Variants in FHAD1 observed in about 807,000 individuals in gnomAD.
The protein encoded by FHAD1 is forkhead-associated domain-containing protein 1.
FHAD1 carries 146 observed loss-of-function variants against 191.3 expected under a neutral mutation model. That is an observed-to-expected ratio of 0.76 (90% CI 0.67 to 0.88). The LOEUF (loss-of-function observed/expected upper bound fraction) is 0.88, where lower values mean the gene tolerates loss of function less well. Ranked by LOEUF, FHAD1 falls within the 40% of genes least tolerant of loss-of-function variation. The pLI is 0.00. For missense variants in FHAD1, 1,635 were observed against 1,785.8 expected (o/e 0.92, Z 1.52); for synonymous variants, 616 against 672.3 (o/e 0.92, Z 1.29).
At chr1:15,292,218 AC>A (rs1178739667) in intron 4 of FHAD1, among the ~76,000 whole-genome samples, 1 of 147,694 alleles carries the variant, frequency 6.8e-6, no homozygotes, top group African/African-American at 2.5e-5. Flanking sequence ...CATGATCTCG[AC>A]TCATTAAAAC....
At chr1:15,374,853 T>TGG (rs112001632) in intron 27 of FHAD1, among the ~76,000 whole-genome samples, 5,277 of 116,158 alleles carry the variant, frequency 0.045, 403 homozygotes, top group African/African-American at 0.2. Flanking sequence ...TGTACGTTTT[T>TGG]TTTTTTGTTT....
chr1:15,273,094 G>T (rs956967969), intron 3 of FHAD1, among the ~76,000 whole-genome samples: 1 of 152,198 alleles, frequency 6.6e-6, no homozygotes, highest in Non-Finnish European at 1.5e-5. Context: ...GGACTGTTCA[G>T]TAAAATTACA....
rs770643908 is a variant in FHAD1, at chr1:15,374,566, G to A, written c.3512G>A (p.Arg1171His). Residue 1171 changes from arginine (R) to histidine (H), a missense_variant, in exon 27 of 34, where the codon CGT becomes CAT. Arg to His is a conservative substitution (Grantham distance 29). Coordinates refer to ENST00000688493, the MANE Select transcript of FHAD1 (RefSeq NM_001391957.1). ...TCCCGGCACGAGGAGGTCATTCAGC[G>A]TCAGAAAAAGGCCTTATCTGAACTT... Reference protein sequence around the residue: ...KGSRHEEVIQRQKKALSELRA... With the variant: ...KGSRHEEVIQHQKKALSELRA... The A allele has an allele frequency of 5.7e-5, 88 of 1,551,714 alleles. No individual in the cohort carries two copies. The highest frequency in any genetic ancestry group is 3.3e-4 in the Middle Eastern group (2 of 5,990).
At position 15,308,737 on chromosome 1, in the gene FHAD1, G is replaced by A. The variant is rs566528481; in HGVS notation, c.1039+1G>A. ...AAGAGAGACAACGCTATCACATCAG[G>A]TGAGCCCTTGGAGTCGGGCCTGGGA... On this transcript the variant is annotated splice_donor_variant, in intron 7 of 33. Coordinates refer to ENST00000688493, the MANE Select transcript of FHAD1 (RefSeq NM_001391957.1). LOFTEE classifies it high-confidence loss of function. The A allele has an allele frequency of 1.3e-6, 2 of 1,551,676 alleles. No homozygotes were observed. Among genetic ancestry groups the A allele is most frequent in the African/African-American group, 1.4e-5 (1 of 73,190 alleles).
chr1:15,241,367 A>T (rs1645346903), intron 1 of FHAD1, among the ~76,000 whole-genome samples: 1 of 152,240 alleles, frequency 6.6e-6, no homozygotes, highest in African/African-American at 2.4e-5. Context: ...AAAAACAAAC[A>T]GAACTGGCCA....
In FHAD1 at chr1:15,301,333, A is replaced by G. The variant is rs1668700662; in HGVS notation, c.807A>G (p.Ser269=). The change falls in exon 6 of 34, where the codon TCA becomes TCG. Residue 269 remains serine (S), a synonymous_variant. Coordinates refer to ENST00000688493, the MANE Select transcript of FHAD1 (RefSeq NM_001391957.1). ...NEVAELSQKV[S]ETTTSRQNEK... ...TGGCTGAGCTGAGTCAGAAGGTGTC[A>G]GAGACCACCACCTCCAGGCAGAATG... 1 of 1,551,792 alleles carries G rather than the reference A, an allele frequency of 6.4e-7. No homozygotes were observed. Among genetic ancestry groups the G allele is most frequent in the Non-Finnish European group, 8.7e-7 (1 of 1,147,010 alleles).
intron 21 of FHAD1, among the ~76,000 whole-genome samples, chr1:15,359,102 C>G (rs1039536041): frequency 1.3e-5 from 2 of 151,762 alleles, no homozygotes. Context: ...GGCATAGGGA[C>G]GACATAAGGA....
intron 2 of FHAD1, among the ~76,000 whole-genome samples, chr1:15,260,798 G>A (rs1489402100): frequency 5.3e-5 from 8 of 152,218 alleles, no homozygotes; most frequent in African/African-American, 1.9e-4. Context: ...AAGGGCTCAC[G>A]TGGTTAGATT....
At chr1:15,337,183 G>A (rs1259177729) in intron 14 of FHAD1, among the ~76,000 whole-genome samples, 1 of 152,140 alleles carries the variant, frequency 6.6e-6, no homozygotes, top group Non-Finnish European at 1.5e-5. Flanking sequence ...GATGGGCTGG[G>A]CTGGGCCGGC....
In FHAD1 at chr1:15,327,182, C is replaced by CTCT. The variant is rs762257720; in HGVS notation, c.1557+52_1557+54dup. 24 of 1,336,158 alleles carry CTCT rather than the reference C, an allele frequency of 1.8e-5. No homozygotes were observed. The highest frequency in any genetic ancestry group is 8.9e-5 in the South Asian group (7 of 78,698). The allele number at this position is 1,336,158 out of a possible 1,614,324, so 82.8% of individuals were successfully genotyped here. On this transcript the variant is annotated intron_variant, in intron 12 of 33. Coordinates refer to ENST00000688493, the MANE Select transcript of FHAD1 (RefSeq NM_001391957.1). This position sits in a 1 kb window ranked among gnomAD's most constrained non-coding sequence, Gnocchi z 5.1. Reference sequence around the variant, plus strand: ...CCTGCCACGTGGCTCCTTCACTTTCCTCTTCTTCTTCTTCGTGGATCTGGA... The same window carrying CTCT: ...CCTGCCACGTGGCTCCTTCACTTTCCTCTTCTTCTTCTTCTTCGTGGATCTGGA...
chr1:15,351,532 C>T (rs1690856504), intron 19 of FHAD1, among the ~76,000 whole-genome samples: 1 of 152,124 alleles, frequency 6.6e-6, no homozygotes, highest in Non-Finnish European at 1.5e-5. Flanking sequence ...TCGGTTACAG[C>T]CTGCGTTTCC....
intron 2 of FHAD1, among the ~76,000 whole-genome samples, chr1:15,256,717 C>CCTACACCG (rs1274962795): frequency 6.6e-6 from 1 of 151,202 alleles, no homozygotes; most frequent in East Asian, 2.0e-4. Flanking sequence ...CCTGCCCTGC[C>CCTACACCG]CTACACCGAG....
intron 2 of FHAD1, 109 bp from the exon 3 acceptor site, chr1:15,272,214 G>T: frequency 1.0e-6 from 1 of 962,310 alleles, no homozygotes. Flanking sequence ...AATGAGGATT[G>T]TCGTGATGAT....
intron 3 of FHAD1, among the ~76,000 whole-genome samples, chr1:15,277,650 G>A (rs1658889909): frequency 1.3e-5 from 2 of 152,200 alleles, no homozygotes; most frequent in South Asian, 4.1e-4. Flanking sequence ...AGTGCTGCCA[G>A]CCTGCCACTT....
At chr1:15,280,350 G>A (rs961005378) in intron 3 of FHAD1, among the ~76,000 whole-genome samples, 1 of 152,164 alleles carries the variant, frequency 6.6e-6, no homozygotes, top group Non-Finnish European at 1.5e-5. Flanking sequence ...TGTGATGAAA[G>A]ATCCTGAGAC....
At position 15,367,465 on chromosome 1, in the gene FHAD1, G is replaced by T. The variant is rs538892644; in HGVS notation, c.3157G>T (p.Glu1053Ter). The T allele has an allele frequency of 6.4e-7, 1 of 1,551,026 alleles. No homozygotes were observed. The highest frequency in any genetic ancestry group is 1.2e-5 in the South Asian group (1 of 84,010). ...ACCGGCCCTCCTGTCACTCGCAGGGGAGCTAAACGAGAAGCAGAAGATGGA... is the reference window on the plus strand; with the variant it reads ...ACCGGCCCTCCTGTCACTCGCAGGGTAGCTAAACGAGAAGCAGAAGATGGA... ...AHSRMSDLRG[E>*]LNEKQKMELE... is the part of the protein sequence containing the mutation. The change falls in exon 25 of 34, where the codon GAG becomes TAG. Residue 1053 changes from glutamate (E) to a stop codon, truncating the protein, a stop_gained and splice_region_variant. Coordinates refer to ENST00000688493, the MANE Select transcript of FHAD1 (RefSeq NM_001391957.1). LOFTEE classifies it high-confidence loss of function.
chr1:15,329,779 A>G lies in FHAD1; in HGVS notation c.1906+238A>G, dbSNP rs1036255409. On this transcript the variant is annotated intron_variant, in intron 14 of 33. Transcript: ENST00000688493. The surrounding 1 kb of genome is among the most constrained non-coding windows in gnomAD (Gnocchi z 5.0). ...TGAAACAAAACAGAGGCAAAAGGAAAATTAAATCGAAATTATGCAAAGTCT... is the reference window on the plus strand; with the variant it reads ...TGAAACAAAACAGAGGCAAAAGGAAGATTAAATCGAAATTATGCAAAGTCT... 3.2e-5 allele frequency: 16 copies of G among 496,804 alleles called. No individual in the cohort carries two copies. The highest frequency in any genetic ancestry group is 2.7e-4 in the African/African-American group (14 of 52,420). 30.8% of individuals were successfully genotyped at this position (496,804 alleles called of 1,614,324 possible).
intron 32 of FHAD1, among the ~76,000 whole-genome samples, chr1:15,389,280 T>C (rs1703167033): frequency 6.6e-6 from 1 of 151,750 alleles, no homozygotes; most frequent in Non-Finnish European, 1.5e-5. Flanking sequence ...ACCCTGGCTC[T>C]ACAAAAGCAC....
intron 9 of FHAD1, among the ~76,000 whole-genome samples, chr1:15,317,258 C>G (rs932638961): frequency 6.6e-6 from 1 of 152,122 alleles, no homozygotes; most frequent in Admixed American, 6.6e-5. Flanking sequence ...GAAAATAAGA[C>G]CATTAAAAGT....
Sources: gnomAD v4.1 joint callset for allele counts (sites outside exome capture counted in the v4.1 genomes callset) on GRCh38, gnomAD v4.1.1 for gene constraint, Gnocchi (gnomAD v3.1) non-coding constraint, MANE v1.5 for transcripts, NCBI Gene and HGNC (gene_info 2026-07-23, HGNC 2026-07-21) for gene names.